GNAO1: variants seen among roughly 807,000 people sequenced by gnomAD.
GNAO1 encodes G protein subunit alpha o1.
For missense variants in GNAO1, 166 were observed against 478.7 expected (o/e 0.35, Z 6.10); for synonymous variants, 164 against 180.7 (o/e 0.91, Z 0.74).
At chr16:56,282,320 T>C (rs2037122640) in intron 3 of GNAO1, among the ~76,000 whole-genome samples, 2 of 152,234 alleles carry the variant, frequency 1.3e-5, no homozygotes, top group African/African-American at 2.4e-5. Flanking sequence ...GTGCATAGGA[T>C]AGTGCCTGTC....
chr16:56,284,344 G>A (rs1444184102), intron 3 of GNAO1, among the ~76,000 whole-genome samples: 1 of 152,156 alleles, frequency 6.6e-6, no homozygotes, highest in Non-Finnish European at 1.5e-5. Context: ...GGCTGGATCG[G>A]GCCGCAAGCT....
intron 6 of GNAO1, among the ~76,000 whole-genome samples, chr16:56,343,374 C>T (rs2037825033): frequency 6.6e-6 from 1 of 150,982 alleles, no homozygotes; most frequent in African/African-American, 2.4e-5. Flanking sequence ...TTTCCAGCTA[C>T]TCAGGAGGCT....
Position 56,348,130 on chromosome 16 carries a change from T to C in GNAO1, c.724-3254T>C, listed in dbSNP as rs1205323644. ...TGGTTTAATAAATCTCTAGTTATTG[T>C]AATAATTTATTGGCTGCCATAATGT... On this transcript the variant is annotated intron_variant, in intron 6 of 8. Coordinates refer to ENST00000262493, the MANE Select transcript of GNAO1 (RefSeq NM_020988.3). 7 of 966,144 alleles carry C rather than the reference T, an allele frequency of 7.2e-6. No homozygotes were observed. The African/African-American group carries it at 1.2e-4, about 17-fold the overall frequency. 59.8% of individuals were successfully genotyped at this position (966,144 alleles called of 1,614,324 possible).
intron 3 of GNAO1, among the ~76,000 whole-genome samples, chr16:56,304,927 G>T (rs539653954): frequency 2.6e-5 from 4 of 152,364 alleles, no homozygotes; most frequent in African/African-American, 9.6e-5. Flanking sequence ...GAGTGCATCA[G>T]CACTCGTTTC....
intron 6 of GNAO1, chr16:56,344,193 G>A: frequency 2.1e-6 from 3 of 1,415,296 alleles, no homozygotes; most frequent in South Asian, 3.1e-5. Flanking sequence ...CACGCTCACA[G>A]CCTCTGTGTC....
intron 3 of GNAO1, among the ~76,000 whole-genome samples, chr16:56,327,199 C>A (rs2037641994): frequency 6.6e-6 from 1 of 152,104 alleles, no homozygotes; most frequent in South Asian, 2.1e-4. Flanking sequence ...ACCAGGCTCC[C>A]CGAGTCCTCT....
chr16:56,192,379 T>TG, intron 1 of GNAO1, 26 bp downstream of exon 1: 2 of 1,115,878 alleles, frequency 1.8e-6, no homozygotes. Context: ...GCTACCCCCA[T>TG]CCCCCGACCC....
intron 5 of GNAO1, 72 bp downstream of exon 5, chr16:56,334,929 C>A: frequency 6.6e-7 from 1 of 1,511,376 alleles, no homozygotes; most frequent in Non-Finnish European, 9.1e-7. Context: ...CAGCGCATTG[C>A]GTTTACAGCG....
chr16:56,227,206 G>T (rs531546935), intron 2 of GNAO1, among the ~76,000 whole-genome samples: 1 of 152,046 alleles, frequency 6.6e-6, no homozygotes, highest in Non-Finnish European at 1.5e-5. Flanking sequence ...ATTGTTTTAG[G>T]CAAGTCTGCG....
chr16:56,348,258 T>C (rs1288194280), intron 6 of GNAO1: 3 of 912,280 alleles, frequency 3.3e-6, no homozygotes, highest in African/African-American at 3.6e-5. Context: ...ACTTGCACGA[T>C]GTGTGTCCTC....
intron 2 of GNAO1, among the ~76,000 whole-genome samples, chr16:56,272,312 GA>G (rs1156384891): frequency 2.7e-5 from 4 of 146,038 alleles, no homozygotes; most frequent in Non-Finnish European, 4.5e-5. Context: ...GACTCCATCT[GA>G]AAAAAAAAAG....
Position 56,336,796 on chromosome 16 carries a change from C to T in GNAO1, c.659C>T (p.Thr220Met). ...TGGATCCATTGCTTCGAGGACGTCA[C>T]GGCCATCATTTTCTGTGTCGCGCTC... Reference protein sequence around the residue: ...KKWIHCFEDVTAIIFCVALSG... With the variant: ...KKWIHCFEDVMAIIFCVALSG... Residue 220 changes from threonine (T) to methionine (M), a missense_variant, in exon 6 of 9, where the codon ACG becomes ATG. By Grantham distance (81) the Thr-to-Met change is moderately conservative (BLOSUM62 -1). Transcript: ENST00000262493. The T allele has an allele frequency of 6.2e-7, 1 of 1,613,642 alleles. No individual in the cohort carries two copies. Among genetic ancestry groups the T allele is most frequent in the Non-Finnish European group, 8.5e-7 (1 of 1,179,878 alleles).
intron 6 of GNAO1, among the ~76,000 whole-genome samples, chr16:56,339,454 G>C (rs1351299673): frequency 6.6e-6 from 1 of 152,260 alleles, no homozygotes; most frequent in Non-Finnish European, 1.5e-5. Context: ...TGGGAGCTCT[G>C]TCTGCCTCAG....
intron 3 of GNAO1, among the ~76,000 whole-genome samples, chr16:56,277,205 A>G (rs2037068085): frequency 6.6e-6 from 1 of 152,228 alleles, no homozygotes; most frequent in African/African-American, 2.4e-5. Flanking sequence ...CCTGCGGTGG[A>G]GAAGCTGGGC....
chr16:56,345,950 C>A (rs1163344726), intron 6 of GNAO1: 3 of 985,422 alleles, frequency 3.0e-6, no homozygotes, highest in Non-Finnish European at 3.6e-6. Flanking sequence ...CCCCCAGCAG[C>A]CGCCCTCAGA....
chr16:56,344,760 C>T (rs764802170), intron 6 of GNAO1: 6 of 985,476 alleles, frequency 6.1e-6, no homozygotes, highest in Non-Finnish European at 7.2e-6. Context: ...TTCTTTTTTC[C>T]AGTCACCAGG....
rs956655220 is a variant in GNAO1 at position 56,354,109 on chromosome 16, C to T, written c.878-757C>T. Among the ~76,000 whole-genome samples the T allele has an allele frequency of 1.3e-5, 2 of 152,212 alleles. No homozygotes were observed. The highest frequency in any genetic ancestry group is 2.9e-5 in the Non-Finnish European group (2 of 68,030). On this transcript the variant is annotated intron_variant, in intron 7 of 8. Coordinates refer to ENST00000262493, the MANE Select transcript of GNAO1 (RefSeq NM_020988.3). The surrounding 1 kb of genome is among the most constrained non-coding windows in gnomAD (Gnocchi z 4.3). ...GAAGGAGTGCAGGTCCCTCTGAGTG[C>T]CCACCACCCTCTTGGGCAGGCCCCT...
intron 3 of GNAO1, among the ~76,000 whole-genome samples, chr16:56,320,802 T>C (rs1219157664): frequency 6.6e-6 from 1 of 152,200 alleles, no homozygotes; most frequent in African/African-American, 2.4e-5. Context: ...TCCCTTCCTC[T>C]CTGTAGCTGG....
At chr16:56,209,618 A>G (rs1428976770) in intron 2 of GNAO1, among the ~76,000 whole-genome samples, 2 of 152,206 alleles carry the variant, frequency 1.3e-5, no homozygotes, top group Admixed American at 6.5e-5. Flanking sequence ...ATGTTTCACC[A>G]TTATTTATCA....
Sources: gnomAD v4.1 joint callset for allele counts (sites outside exome capture counted in the v4.1 genomes callset) on GRCh38, gnomAD v4.1.1 for gene constraint, Gnocchi (gnomAD v3.1) non-coding constraint, MANE v1.5 for transcripts, NCBI Gene and HGNC (gene_info 2026-07-23, HGNC 2026-07-21) for gene names.